The following ABCA13 variants were observed in gnomAD, a reference collection of about 807,000 sequenced individuals.
The protein encoded by ABCA13 is ATP binding cassette subfamily A member 13, also known as ATP-binding cassette sub-family A member 13.
ABCA13 carries 476 observed loss-of-function variants against 478.7 expected under a neutral mutation model. The observed-to-expected ratio is 0.99, with a 90% CI of 0.92 to 1.07. ABCA13 has a LOEUF of 1.07. Among genes scored for constraint, ABCA13 ranks in the 50% least tolerant of loss-of-function variants. The pLI, the probability that ABCA13 is intolerant of heterozygous loss-of-function variation, is 0.00. For missense variants in ABCA13, 6,060 were observed against 5,910.6 expected (o/e 1.03, Z -0.83); for synonymous variants, 2,252 against 2,158.9 (o/e 1.04, Z -1.20).
At chr7:48,513,246 A>T (rs1380228723) in intron 51 of ABCA13, among the ~76,000 whole-genome samples, 2 of 152,248 alleles carry the variant, frequency 1.3e-5, no homozygotes, top group African/African-American at 4.8e-5. Flanking sequence ...GAGCACGTCC[A>T]GGCATTAAAT....
chr7:48,412,563 T>A lies in ABCA13; in HGVS notation c.12439T>A (p.Ser4147Thr). The A allele has an allele frequency of 1.2e-6, 2 of 1,610,734 alleles. No homozygotes were observed. Among genetic ancestry groups the A allele is most frequent in the Non-Finnish European group, 8.5e-7 (1 of 1,178,566 alleles). The change falls in exon 41 of 62, where the codon TCA (serine) becomes ACA (threonine). Residue 4147 changes from serine (S) to threonine (T), a missense_variant. Transcript: ENST00000435803. ...HQLHLTGYGI[S>T]DTTLEEVFLM... ...GCTGCACCTGACGGGCTATGGGATC[T>A]CAGACACCACCTTAGAAGAGGTACT...
intron 15 of ABCA13, among the ~76,000 whole-genome samples, chr7:48,262,540 T>G (rs1032283665): frequency 2.6e-5 from 4 of 151,994 alleles, no homozygotes; most frequent in Non-Finnish European, 5.9e-5. Context: ...TCTATTTGCT[T>G]TCTTCCTTCT....
At position 48,254,525 on chromosome 7, in the gene ABCA13, C is replaced by T. The variant is rs531206000; in HGVS notation, c.2005+5174C>T. Among the ~76,000 whole-genome samples the T allele has an allele frequency of 1.1e-3, 163 of 152,272 alleles. 1 individual carries two copies. The highest frequency in any genetic ancestry group is 3.8e-3 in the African/African-American group (156 of 41,556). ...GCTTAAGAGATTCTCCTGCCTTGGA[C>T]ACCCAAAGCACTCTACATAAATCTT... On this transcript the variant is annotated intron_variant, in intron 15 of 61. Coordinates refer to ENST00000435803, the MANE Select transcript of ABCA13 (RefSeq NM_152701.5).
At chr7:48,209,109 A>C (rs907655683) in intron 3 of ABCA13, among the ~76,000 whole-genome samples, 5 of 152,080 alleles carry the variant, frequency 3.3e-5, no homozygotes, top group African/African-American at 1.2e-4. Context: ...ACATTGATTA[A>C]TTTGCATATG....
chr7:48,295,025 A>C (rs2128828074), intron 20 of ABCA13, among the ~76,000 whole-genome samples: 1 of 152,194 alleles, frequency 6.6e-6, no homozygotes, highest in Non-Finnish European at 1.5e-5. Flanking sequence ...ACATAATTTC[A>C]TTTCCTTTGG....
chr7:48,314,131 C>T, intron 25 of ABCA13, 101 bp from the exon 26 acceptor site: 1 of 1,271,132 alleles, frequency 7.9e-7, no homozygotes, highest in East Asian at 2.5e-5. Flanking sequence ...TGTTGAATAT[C>T]TTGTACATTC....
rs759609976 is a variant in ABCA13 at position 48,276,307 on chromosome 7, A to G, written c.6641A>G (p.Asn2214Ser). Residue 2214 changes from asparagine to serine, a missense_variant, in exon 17 of 62, where the codon AAT (asparagine) becomes AGT (serine). Physicochemically the swap from Asn to Ser is conservative, Grantham distance 46. Around this residue, in one of 3 missense-constraint regions of ABCA13, gnomAD observed 4,423 missense variants for 4,309.1 expected, o/e 1.03. Transcript: ENST00000435803. ...GAAAACATCCTAATTAATTTGATCA[A>G]TAACTTAGCTGGGAATTCTCAGGAA... ...LFENILINLI[N>S]NLAGNSQEAA... The G allele has an allele frequency of 2.6e-6, 4 of 1,555,606 alleles. No homozygotes were observed. The highest frequency in any genetic ancestry group is 2.4e-5 in the South Asian group (2 of 83,148).
In ABCA13 at chr7:48,182,259, G is replaced by A. The variant is rs540774020; in HGVS notation, c.70-10700G>A. On this transcript the variant is annotated intron_variant, in intron 1 of 61. Coordinates refer to ENST00000435803, the MANE Select transcript of ABCA13 (RefSeq NM_152701.5). The stretch of plus-strand genomic sequence containing the variant: ...ATGCTCTATCGATACCCTAACGATT[G>A]GTGCTTAATTTCTAATTTTTTTGCA... Among the ~76,000 whole-genome samples the A allele has an allele frequency of 1.3e-4, 20 of 152,260 alleles. No individual in the cohort carries two copies. The East Asian group carries it at 3.5e-3, about 26-fold the overall frequency.
At chr7:48,429,212 T>C (rs1821816320) in intron 42 of ABCA13, among the ~76,000 whole-genome samples, 1 of 152,216 alleles carries the variant, frequency 6.6e-6, no homozygotes, top group Admixed American at 6.5e-5. Context: ...TGGGGTTGTT[T>C]CCAGTTTTTT....
Position 48,449,780 on chromosome 7 carries a change from G to A in ABCA13, c.12566-5257G>A, listed in dbSNP as rs1286831214. On this transcript the variant is annotated intron_variant, in intron 42 of 61. Transcript: ENST00000435803. ...ATTCTGAAATCCAGCATTATGACTG[G>A]GGTCAGCAGAAAATAGTCCTCATAC... Among the ~76,000 whole-genome samples, 3 of 152,204 alleles carry A rather than the reference G, an allele frequency of 2.0e-5. No individual in the cohort carries two copies. In the East Asian group the frequency reaches 5.8e-4, roughly 29 times the overall value.
At chr7:48,615,511 T>C in intron 59 of ABCA13, 134 bp downstream of exon 59, 1 of 694,010 alleles carries the variant, frequency 1.4e-6, no homozygotes, top group Non-Finnish European at 2.3e-6. Flanking sequence ...ATGAAGGCTC[T>C]GAGGGGATAA....
intron 55 of ABCA13, among the ~76,000 whole-genome samples, chr7:48,548,319 A>T (rs953954193): frequency 6.6e-6 from 1 of 151,898 alleles, no homozygotes; most frequent in African/African-American, 2.4e-5. Flanking sequence ...CCTGGCGGAG[A>T]AATGTCCCTA....
intron 1 of ABCA13, among the ~76,000 whole-genome samples, chr7:48,174,634 A>G (rs943995907): frequency 6.6e-6 from 1 of 152,048 alleles, no homozygotes; most frequent in African/African-American, 2.4e-5. Context: ...CTTGATTTTT[A>G]TTTATTGTAA....
rs562280306 is a variant in ABCA13 at position 48,570,693 on chromosome 7, G to T, written c.14355-9531G>T. On this transcript the variant is annotated intron_variant, in intron 55 of 61. Coordinates refer to ENST00000435803, the MANE Select transcript of ABCA13 (RefSeq NM_152701.5). The stretch of plus-strand genomic sequence containing the variant: ...TATATTTTATAGACAGCATACAGTT[G>T]GATAATTAAAAAAAAATCCAGTCTG... Among the ~76,000 whole-genome samples the T allele has an allele frequency of 2.4e-4, 36 of 151,598 alleles. No homozygotes were observed. In the South Asian group the frequency reaches 6.5e-3, roughly 27 times the overall value.
chr7:48,496,001 G>A (rs1277974095), intron 48 of ABCA13, among the ~76,000 whole-genome samples: 1 of 152,068 alleles, frequency 6.6e-6, no homozygotes, highest in African/African-American at 2.4e-5. Context: ...ATTGTGTAAA[G>A]TGAGTTTTGT....
intron 31 of ABCA13, among the ~76,000 whole-genome samples, chr7:48,355,475 A>G (rs920578254): frequency 6.6e-6 from 1 of 152,032 alleles, no homozygotes; most frequent in African/African-American, 2.4e-5. Context: ...TGGTATTAAA[A>G]GACTGCTGGA....
At chr7:48,622,926 C>T (rs1793289116) in intron 59 of ABCA13, among the ~76,000 whole-genome samples, 1 of 152,164 alleles carries the variant, frequency 6.6e-6, no homozygotes, top group Non-Finnish European at 1.5e-5. Context: ...TGAACCCCAG[C>T]ATTCTGGTGC....
At chr7:48,559,029 C>G (rs1786167990) in intron 55 of ABCA13, among the ~76,000 whole-genome samples, 1 of 152,194 alleles carries the variant, frequency 6.6e-6, no homozygotes, top group Non-Finnish European at 1.5e-5. Context: ...TAACCACTAC[C>G]TGCCTACCAC....
At chr7:48,557,560 T>G (rs1383402855) in intron 55 of ABCA13, among the ~76,000 whole-genome samples, 3 of 152,186 alleles carry the variant, frequency 2.0e-5, no homozygotes, top group Non-Finnish European at 4.4e-5. Flanking sequence ...GAAAGTCTGC[T>G]GCCAGACATA....
Sources: allele counts gnomAD v4.1 joint callset (sites outside exome capture counted in the v4.1 genomes callset), GRCh38; gene constraint gnomAD v4.1.1; regional missense constraint gnomAD v4.1.1; transcripts MANE v1.5; gene names NCBI Gene and HGNC (gene_info 2026-07-23, HGNC 2026-07-21).